Variants in ARMH3 observed in about 807,000 individuals in gnomAD.
The protein encoded by ARMH3 is armadillo-like helical domain-containing protein 3.
ARMH3 carries 60 observed loss-of-function variants against 99.1 expected under a neutral mutation model. The ratio of observed to expected loss-of-function variants is 0.61; its 90% CI spans 0.49 to 0.75. ARMH3 has a LOEUF of 0.75. Among genes scored for constraint, ARMH3 ranks in the 30% least tolerant of loss-of-function variants. The pLI is 0.00. For synonymous variants in ARMH3, 285 were observed against 292.8 expected, an observed-to-expected ratio of 0.97 and a Z score of 0.27; for missense variants, 679 against 843.1, an observed-to-expected ratio of 0.81 and a Z score of 2.41.
At chr10:101,849,530 C>T (rs2066537644) in intron 25 of ARMH3, among the ~76,000 whole-genome samples, 1 of 152,208 alleles carries the variant, frequency 6.6e-6, no homozygotes, top group Admixed American at 6.5e-5. Context: ...GAACACACGT[C>T]AAACCCCAGG....
chr10:101,928,708 G>A (rs1843601780), intron 23 of ARMH3, among the ~76,000 whole-genome samples: 1 of 152,098 alleles, frequency 6.6e-6, no homozygotes, highest in Non-Finnish European at 1.5e-5. Context: ...AATACAATAA[G>A]ATATTTTGTT....
intron 23 of ARMH3, among the ~76,000 whole-genome samples, chr10:101,893,301 C>T (rs1454349545): frequency 6.6e-6 from 1 of 152,182 alleles, no homozygotes; most frequent in African/African-American, 2.4e-5. Context: ...AAAGATTTTG[C>T]ACTCTGTAAA....
At chr10:101,986,246 A>T (rs1367114274) in intron 19 of ARMH3, among the ~76,000 whole-genome samples, 4 of 152,108 alleles carry the variant, frequency 2.6e-5, no homozygotes, top group Non-Finnish European at 4.4e-5. Flanking sequence ...ACAGGTTTGG[A>T]AATATGTGAC....
intron 24 of ARMH3, among the ~76,000 whole-genome samples, chr10:101,875,492 T>C (rs551489947): frequency 1.3e-5 from 2 of 152,334 alleles, no homozygotes; most frequent in South Asian, 4.1e-4. Context: ...ACAGCCACCC[T>C]GTATATAATA....
At chr10:101,935,174 A>AT (rs1843902399) in intron 23 of ARMH3, among the ~76,000 whole-genome samples, 1 of 117,106 alleles carries the variant, frequency 8.5e-6, no homozygotes, top group African/African-American at 3.2e-5. Context: ...AAGGTGGAGC[A>AT]ATATATATAT....
At chr10:101,973,059 T>A (rs141750057) in intron 20 of ARMH3, among the ~76,000 whole-genome samples, 1 of 152,264 alleles carries the variant, frequency 6.6e-6, no homozygotes, top group African/African-American at 2.4e-5. Flanking sequence ...CATTTTTAAA[T>A]CTCTTTCAAA....
chr10:101,854,366 C>T (rs2066682313), intron 24 of ARMH3, among the ~76,000 whole-genome samples: 1 of 152,198 alleles, frequency 6.6e-6, no homozygotes, highest in South Asian at 2.1e-4. Flanking sequence ...AATGGCTACA[C>T]AGCTACCTAG....
intron 19 of ARMH3, among the ~76,000 whole-genome samples, chr10:101,984,850 C>T (rs1374212320): frequency 6.6e-6 from 1 of 151,890 alleles, no homozygotes; most frequent in Non-Finnish European, 1.5e-5. Context: ...GCAGGTCGAT[C>T]ACGAGGTCAG....
intron 24 of ARMH3, among the ~76,000 whole-genome samples, chr10:101,857,669 TC>T (rs2066766495): frequency 6.6e-6 from 1 of 152,122 alleles, no homozygotes; most frequent in South Asian, 2.1e-4. Context: ...CCAGCAAATT[TC>T]CTCAAACTCA....
chr10:102,036,845 G>C (rs2136229384), intron 2 of ARMH3, among the ~76,000 whole-genome samples: 1 of 140,012 alleles, frequency 7.1e-6, no homozygotes, highest in South Asian at 2.3e-4. Flanking sequence ...CCCTCTCCGA[G>C]AAACACCCAA....
At chr10:101,915,961 G>A (rs1334319314) in intron 23 of ARMH3, among the ~76,000 whole-genome samples, 1 of 151,936 alleles carries the variant, frequency 6.6e-6, no homozygotes, top group Admixed American at 6.6e-5. Flanking sequence ...CCACCACGGC[G>A]CCTGGCTAAT....
At chr10:102,052,741 TA>T (rs1338644850) in intron 1 of ARMH3, among the ~76,000 whole-genome samples, 2 of 152,194 alleles carry the variant, frequency 1.3e-5, no homozygotes, top group East Asian at 3.9e-4. Context: ...TATAGACAAA[TA>T]AAATAAACAT....
chr10:101,858,404 T>C (rs1297597762), intron 24 of ARMH3, among the ~76,000 whole-genome samples: 1 of 152,220 alleles, frequency 6.6e-6, no homozygotes, highest in Non-Finnish European at 1.5e-5. Flanking sequence ...TATAGCTGGT[T>C]CTGAGGACTA....
At chr10:102,026,066 C>G (rs577369664) in intron 5 of ARMH3, among the ~76,000 whole-genome samples, 1 of 152,294 alleles carries the variant, frequency 6.6e-6, no homozygotes, top group South Asian at 2.1e-4. Context: ...AGCTAACTTG[C>G]GTCCATCCTG....
intron 20 of ARMH3, among the ~76,000 whole-genome samples, chr10:101,966,285 G>GTTTTTT (rs34196495): frequency 5.0e-5 from 4 of 80,624 alleles, no homozygotes; most frequent in Non-Finnish European, 6.7e-5. Flanking sequence ...TTTGGTTTGG[G>GTTTTTT]TTTTTTTTTT....
At chr10:101,901,427 A>G (rs2135498819) in intron 23 of ARMH3, among the ~76,000 whole-genome samples, 2 of 152,294 alleles carry the variant, frequency 1.3e-5, no homozygotes, top group East Asian at 3.9e-4. Context: ...AACATTTACC[A>G]TAAAGCCCAC....
intron 23 of ARMH3, among the ~76,000 whole-genome samples, chr10:101,908,350 A>G (rs541357756): frequency 6.6e-6 from 1 of 152,330 alleles, no homozygotes; most frequent in African/African-American, 2.4e-5. Flanking sequence ...AATGTAATAT[A>G]TTTACTTAAT....
intron 23 of ARMH3, among the ~76,000 whole-genome samples, chr10:101,902,348 AGAG>A (rs2068002048): frequency 6.6e-6 from 1 of 152,210 alleles, no homozygotes; most frequent in Middle Eastern, 3.2e-3. Flanking sequence ...TCTATTACTC[AGAG>A]GAACAGATAT....
intron 2 of ARMH3, among the ~76,000 whole-genome samples, chr10:102,035,213 A>G (rs1031033972): frequency 5.9e-5 from 9 of 151,582 alleles, no homozygotes; most frequent in Admixed American, 3.9e-4. Context: ...AAAATACAAA[A>G]AATTAGCCAG....
Sources: gnomAD v4.1 joint callset for allele counts (sites outside exome capture counted in the v4.1 genomes callset) on GRCh38, gnomAD v4.1.1 for gene constraint, MANE v1.5 for transcripts, NCBI Gene and HGNC (gene_info 2026-07-23, HGNC 2026-07-21) for gene names.